LMO7: variants seen among roughly 807,000 people sequenced by gnomAD.
LMO7 encodes LIM domain only protein 7.
Under a neutral mutation model 206.5 loss-of-function variants are expected in LMO7, and 120 were observed. That is an observed-to-expected ratio of 0.58 (90% CI 0.50 to 0.68). The LOEUF is 0.68. Among genes scored for constraint, LMO7 ranks in the 30% least tolerant of loss-of-function variants. The pLI is 0.00. For missense variants in LMO7, 1,959 were observed against 1,957.9 expected (o/e 1.00, Z -0.01); for synonymous variants, 706 against 681.5 (o/e 1.04, Z -0.56).
At chr13:75,699,138 G>A (rs904985649) in intron 1 of LMO7, among the ~76,000 whole-genome samples, 40 of 152,112 alleles carry the variant, frequency 2.6e-4, no homozygotes, top group African/African-American at 9.4e-4. Context: ...TAGTACAGTA[G>A]TGTTCCCTTA....
chr13:75,797,970 A>C (rs963530754), intron 6 of LMO7, among the ~76,000 whole-genome samples: 1 of 152,218 alleles, frequency 6.6e-6, no homozygotes, highest in Non-Finnish European at 1.5e-5. Context: ...CATATTGGTC[A>C]CTGCAATGAA....
chr13:75,834,972 T>C (rs2058999836), intron 17 of LMO7, among the ~76,000 whole-genome samples: 1 of 152,208 alleles, frequency 6.6e-6, no homozygotes, highest in Non-Finnish European at 1.5e-5. Flanking sequence ...ATTTAACCCT[T>C]GTGTTTTGGG....
chr13:75,853,305 C>T lies in LMO7; in HGVS notation c.4578C>T (p.Thr1526=). 6.2e-7 allele frequency: 1 copy of T among 1,614,078 alleles called. No individual in the cohort carries two copies. Among genetic ancestry groups the T allele is most frequent in the South Asian group, 1.1e-5 (1 of 91,076 alleles). ...PPSAGSVKTS[T]TGVATTQSPT... ...CAGCTGGCTCCGTGAAGACCTCCACCACAGGTGTGGCCACCACACAGTCCC... is the reference window on the plus strand; with the variant it reads ...CAGCTGGCTCCGTGAAGACCTCCACTACAGGTGTGGCCACCACACAGTCCC... The change falls in exon 28 of 31, where the codon ACC becomes ACT. Residue 1526 remains threonine (T), a synonymous_variant. Transcript: ENST00000377534.
At chr13:75,692,913 T>C (rs890654944) in intron 1 of LMO7, among the ~76,000 whole-genome samples, 1 of 152,214 alleles carries the variant, frequency 6.6e-6, no homozygotes, top group Admixed American at 6.5e-5. Context: ...TAGGCAAATG[T>C]GAAGCAGTGC....
intron 7 of LMO7, among the ~76,000 whole-genome samples, chr13:75,803,815 GT>G (rs1012869185): frequency 5.4e-4 from 78 of 145,596 alleles, no homozygotes; most frequent in African/African-American, 1.2e-3. Context: ...TTACAAGCTT[GT>G]TTTTTTTTTT....
upstream of LMO7, chr13:75,636,312 C>A (rs1352283396): frequency 9.1e-7 from 1 of 1,096,770 alleles, no homozygotes; most frequent in Non-Finnish European, 1.1e-6. Context: ...GGCGGCGGCG[C>A]TGCGACTTTT....
intron 15 of LMO7, among the ~76,000 whole-genome samples, chr13:75,826,503 T>A (rs747439303): frequency 5.9e-5 from 9 of 152,190 alleles, no homozygotes; most frequent in Non-Finnish European, 1.3e-4. Flanking sequence ...CTAAAGCCTC[T>A]AGTGGCACTG....
intron 6 of LMO7, 136 bp from the exon 7 acceptor site, chr13:75,800,548 C>A (rs781307362): frequency 1.4e-6 from 1 of 724,968 alleles, no homozygotes; most frequent in Non-Finnish European, 2.3e-6. Context: ...TTTGCTGTGT[C>A]CGACAGAGAA....
At chr13:75,750,163 C>A (rs2047156502) in intron 3 of LMO7, among the ~76,000 whole-genome samples, 1 of 152,018 alleles carries the variant, frequency 6.6e-6, no homozygotes, top group South Asian at 2.1e-4. Flanking sequence ...CACCCTGCTA[C>A]TTAGAAGTTG....
At position 75,841,916 on chromosome 13, in the gene LMO7, G is replaced by A. The variant is rs1185824438; in HGVS notation, c.3964G>A (p.Ala1322Thr). Residue 1322 changes from alanine to threonine, a missense_variant, in exon 24 of 31, where the codon GCG becomes ACG. Coordinates refer to ENST00000377534, the MANE Select transcript of LMO7 (RefSeq NM_001306080.2). The stretch of plus-strand genomic sequence containing the variant: ...TGAGGCTGAGGAGCAGAAGCGTCCT[G>A]CGGAGGAGCAGAAGCGCCAGGCAGA... The part of the protein sequence containing the change: ...QAEAEEQKRP[A>T]EEQKRQAEIE... 2 of 1,613,668 alleles carry A rather than the reference G, an allele frequency of 1.2e-6. No individual in the cohort carries two copies. Among genetic ancestry groups the A allele is most frequent in the African/African-American group, 2.7e-5 (2 of 75,026 alleles).
At chr13:75,645,838 G>A (rs1475990266) in intron 1 of LMO7, among the ~76,000 whole-genome samples, 1 of 152,140 alleles carries the variant, frequency 6.6e-6, no homozygotes, top group Non-Finnish European at 1.5e-5. Flanking sequence ...GTTCATCAGT[G>A]AATGTTAGAA....
chr13:75,733,320 C>G (rs2045459547), intron 3 of LMO7, among the ~76,000 whole-genome samples: 1 of 152,244 alleles, frequency 6.6e-6, no homozygotes, highest in Admixed American at 6.5e-5. Flanking sequence ...CTAAGCAAGC[C>G]TGGGCAATGG....
chr13:75,817,553 AACTT>A (rs1180179012), intron 12 of LMO7, among the ~76,000 whole-genome samples: 2 of 152,084 alleles, frequency 1.3e-5, no homozygotes, highest in South Asian at 2.1e-4. Flanking sequence ...CAGTATAGTG[AACTT>A]ACTTACTTGT....
chr13:75,636,479 C>A lies in LMO7; in HGVS notation c.-179C>A. 1 of 1,452,534 alleles carries A rather than the reference C, an allele frequency of 6.9e-7. No homozygotes were observed. The allele number at this position is 1,452,534 out of a possible 1,614,324, so 90.0% of individuals were successfully genotyped here. On this transcript the variant is annotated 5_prime_UTR_variant, in exon 1 of 31. Transcript: ENST00000377534. ...TCTTCACGTTCGTGTAGGTTCGAGA[C>A]CTTAACGAACTGCAGAGCGCAACAA...
At chr13:75,740,173 G>T (rs1245481238) in intron 3 of LMO7, among the ~76,000 whole-genome samples, 3 of 152,258 alleles carry the variant, frequency 2.0e-5, no homozygotes, top group Non-Finnish European at 4.4e-5. Flanking sequence ...TTGCTTGAAA[G>T]AGTGGTGATA....
intron 24 of LMO7, 32 bp from the exon 25 acceptor site, chr13:75,842,815 AATAT>A (rs2059659824): frequency 7.5e-7 from 1 of 1,331,578 alleles, no homozygotes; most frequent in South Asian, 1.2e-5. Flanking sequence ...CTTAAAGTCT[AATAT>A]TTTGACAACA....
In LMO7 at chr13:75,799,973, A is replaced by G. The variant is rs545658137; in HGVS notation, c.463-711A>G. 2.5e-4 allele frequency among the ~76,000 whole-genome samples: 38 copies of G among 152,360 alleles called. 1 individual carries two copies. The highest frequency in any genetic ancestry group is 8.9e-4 in the African/African-American group (37 of 41,588). On this transcript the variant is annotated intron_variant, in intron 6 of 30. Transcript: ENST00000377534. ...TTTGTGATGTTCCTGTGTGTCCTTT[A>G]TATGAGCCAAACAAATATTTTATTT...
At position 75,677,071 on chromosome 13, in the gene LMO7, C is replaced by CAAGAATAAAA. The variant is rs556738000; in HGVS notation, c.70-36111_70-36110insAAGAATAAAA. ...TATGGAATGAACCCAAGTATTTTTTCCCCTAGGATTTATTCTTCACAATTT... is the reference window on the plus strand; with the variant it reads ...TATGGAATGAACCCAAGTATTTTTTCAAGAATAAAACCCTAGGATTTATTCTTCACAATTT... On this transcript the variant is annotated intron_variant, in intron 1 of 30. Coordinates refer to ENST00000377534, the MANE Select transcript of LMO7 (RefSeq NM_001306080.2). 1.5e-4 allele frequency among the ~76,000 whole-genome samples: 23 copies of CAAGAATAAAA among 152,090 alleles called. No individual in the cohort carries two copies. The East Asian group carries it at 4.4e-3, about 29-fold the overall frequency.
intron 3 of LMO7, among the ~76,000 whole-genome samples, chr13:75,730,064 A>G (rs1224916575): frequency 6.6e-6 from 1 of 151,888 alleles, no homozygotes; most frequent in Non-Finnish European, 1.5e-5. Flanking sequence ...ATCAACGTTC[A>G]TCAAGGATAT....
Sources: allele counts gnomAD v4.1 joint callset (sites outside exome capture counted in the v4.1 genomes callset), GRCh38; gene constraint gnomAD v4.1.1; transcripts MANE v1.5; gene names NCBI Gene and HGNC (gene_info 2026-07-23, HGNC 2026-07-21).